TMTC2: variants seen among roughly 807,000 people sequenced by gnomAD.
TMTC2 encodes transmembrane O-mannosyltransferase targeting cadherins 2.
Under a neutral mutation model 82.4 loss-of-function variants are expected in TMTC2, and 43 were observed. The ratio of observed to expected loss-of-function variants is 0.52; its 90% CI spans 0.41 to 0.67. TMTC2 has a LOEUF of 0.67. TMTC2 is among the 30% of genes least tolerant of loss of function. The pLI, the probability that TMTC2 is intolerant of heterozygous loss-of-function variation, is 0.00. For synonymous variants in TMTC2, 408 were observed against 381.9 expected (o/e 1.07, Z -0.80); for missense variants, 919 against 1,012.4 (o/e 0.91, Z 1.25).
At chr12:82,696,335 G>GA (rs1007147984) in intron 1 of TMTC2, among the ~76,000 whole-genome samples, 11 of 151,368 alleles carry the variant, frequency 7.3e-5, no homozygotes, top group African/African-American at 2.4e-4. Flanking sequence ...TCTAGTGAAA[G>GA]AAAAAAAATA....
At chr12:82,986,086 C>T in intron 8 of TMTC2, 40 bp downstream of exon 8, 1 of 1,613,468 alleles carries the variant, frequency 6.2e-7, no homozygotes, top group South Asian at 1.1e-5. Flanking sequence ...ACTTGGTTTT[C>T]TCCATGCAGA....
At chr12:82,879,333 T>C (rs953491618) in intron 2 of TMTC2, among the ~76,000 whole-genome samples, 1 of 152,138 alleles carries the variant, frequency 6.6e-6, no homozygotes, top group Non-Finnish European at 1.5e-5. Context: ...ATGGACTGGG[T>C]GGTGATAGTT....
chr12:83,129,578 C>T (rs1163784619), intron 11 of TMTC2, among the ~76,000 whole-genome samples: 1 of 152,114 alleles, frequency 6.6e-6, no homozygotes, highest in African/African-American at 2.4e-5. Context: ...GTGGCATGAT[C>T]GACTTTACCA....
chr12:82,781,624 C>A (rs1345575788), intron 1 of TMTC2, among the ~76,000 whole-genome samples: 3 of 151,264 alleles, frequency 2.0e-5, no homozygotes, highest in Non-Finnish European at 4.4e-5. Flanking sequence ...TTACTAATTA[C>A]GTATCATGCT....
chr12:83,056,630 A>ATG (rs1305165071), intron 10 of TMTC2, among the ~76,000 whole-genome samples: 1 of 151,796 alleles, frequency 6.6e-6, no homozygotes, highest in Non-Finnish European at 1.5e-5. Context: ...TATCTTGGGG[A>ATG]TGTGTGTATA....
intron 8 of TMTC2, among the ~76,000 whole-genome samples, chr12:83,004,834 C>T (rs1361906581): frequency 7.5e-6 from 1 of 132,520 alleles, no homozygotes; most frequent in Admixed American, 8.9e-5. Context: ...TCATGGCTGG[C>T]AGGCGCGAAG....
chr12:82,803,697 A>G (rs1352446788), intron 1 of TMTC2, among the ~76,000 whole-genome samples: 1 of 152,048 alleles, frequency 6.6e-6, no homozygotes, highest in Non-Finnish European at 1.5e-5. Flanking sequence ...CACCTCCCAA[A>G]TGTTAGCAGG....
intron 11 of TMTC2, among the ~76,000 whole-genome samples, chr12:83,094,718 G>A (rs1369583642): frequency 6.6e-6 from 1 of 152,164 alleles, no homozygotes; most frequent in Non-Finnish European, 1.5e-5. Flanking sequence ...AATGGACAGT[G>A]CTTGGTAATT....
In TMTC2 at chr12:82,961,266, C is replaced by T. The variant is rs566103361; in HGVS notation, c.1599-3758C>T. On this transcript the variant is annotated intron_variant, in intron 4 of 11. Coordinates refer to ENST00000321196, the MANE Select transcript of TMTC2 (RefSeq NM_152588.3). The stretch of plus-strand genomic sequence containing the variant: ...TGTAACATGAAGGATTTCTGTTTAT[C>T]ATGTTATCAGTAAAATAAAAAAGGG... Among the ~76,000 whole-genome samples the T allele has an allele frequency of 6.0e-5, 9 of 150,724 alleles. No individual in the cohort carries two copies. In the East Asian group the frequency reaches 1.8e-3, roughly 29 times the overall value.
intron 1 of TMTC2, among the ~76,000 whole-genome samples, chr12:82,742,937 A>G (rs1429834242): frequency 6.6e-6 from 1 of 152,208 alleles, no homozygotes; most frequent in Non-Finnish European, 1.5e-5. Flanking sequence ...ACTCTAGTGC[A>G]TCATGATTGT....
At chr12:82,901,908 T>C (rs749306379) in intron 3 of TMTC2, among the ~76,000 whole-genome samples, 5 of 152,114 alleles carry the variant, frequency 3.3e-5, no homozygotes, top group Non-Finnish European at 5.9e-5. Context: ...TGCAGCTCTG[T>C]TGGTATGGGG....
intron 8 of TMTC2, among the ~76,000 whole-genome samples, chr12:82,993,563 TAA>T (rs1879489731): frequency 6.6e-6 from 1 of 152,174 alleles, no homozygotes; most frequent in Non-Finnish European, 1.5e-5. Flanking sequence ...AAGTCTATTA[TAA>T]AAAGTTAAAA....
chr12:82,989,568 C>G (rs1371205393), intron 8 of TMTC2, among the ~76,000 whole-genome samples: 1 of 151,136 alleles, frequency 6.6e-6, no homozygotes, highest in South Asian at 2.1e-4. Flanking sequence ...CTGCACCCCC[C>G]CCAAAAAAAA....
chr12:82,889,561 A>G (rs1873289845), intron 2 of TMTC2, among the ~76,000 whole-genome samples: 1 of 152,120 alleles, frequency 6.6e-6, no homozygotes, highest in Admixed American at 6.5e-5. Flanking sequence ...ATACTTCTAC[A>G]CTTAAATAAA....
At chr12:82,688,271 T>C (rs1387125212) in intron 1 of TMTC2, among the ~76,000 whole-genome samples, 2 of 152,190 alleles carry the variant, frequency 1.3e-5, no homozygotes, top group Admixed American at 6.5e-5. Context: ...CACCAATCCA[T>C]TGGGCAGCAC....
At chr12:83,126,015 A>G (rs1885088342) in intron 11 of TMTC2, among the ~76,000 whole-genome samples, 1 of 152,150 alleles carries the variant, frequency 6.6e-6, no homozygotes, top group Non-Finnish European at 1.5e-5. Flanking sequence ...CCTCTTTTAA[A>G]GAGTCTGCAT....
chr12:82,704,985 A>G (rs574011465), intron 1 of TMTC2, among the ~76,000 whole-genome samples: 3 of 152,318 alleles, frequency 2.0e-5, no homozygotes, highest in South Asian at 4.1e-4. Flanking sequence ...TGGCATATGT[A>G]TACGATGGAA....
At chr12:83,060,634 G>A (rs959813700) in intron 10 of TMTC2, among the ~76,000 whole-genome samples, 3 of 151,648 alleles carry the variant, frequency 2.0e-5, no homozygotes, top group Non-Finnish European at 4.4e-5. Flanking sequence ...TTTTCCTGTA[G>A]CATTTTTTCT....
chr12:82,920,174 A>ATG (rs1214738603), intron 3 of TMTC2, among the ~76,000 whole-genome samples: 1 of 152,172 alleles, frequency 6.6e-6, no homozygotes, highest in Non-Finnish European at 1.5e-5. Context: ...ATGAATATAT[A>ATG]TAATTTCTTC....
Sources: allele counts gnomAD v4.1 joint callset (sites outside exome capture counted in the v4.1 genomes callset), GRCh38; gene constraint gnomAD v4.1.1; transcripts MANE v1.5; gene names NCBI Gene and HGNC (gene_info 2026-07-23, HGNC 2026-07-21).